RYK: variants seen among roughly 807,000 people sequenced by gnomAD.
RYK encodes inactive tyrosine-protein kinase RYK.
A neutral mutation model predicts 70.2 loss-of-function variants in RYK; 21 were observed. That is an observed-to-expected ratio of 0.30 (90% CI 0.21 to 0.43). The LOEUF is 0.43. Among genes scored for constraint, RYK ranks in the 20% least tolerant of loss-of-function variants. The pLI, the probability that RYK is intolerant of heterozygous loss-of-function variation, is 1.00. For missense variants in RYK, 604 were observed against 753.3 expected, an observed-to-expected ratio of 0.80 and a Z score of 2.32; for synonymous variants, 267 against 278.0, an observed-to-expected ratio of 0.96 and a Z score of 0.39.
intron 2 of RYK, among the ~76,000 whole-genome samples, chr3:134,213,896 T>A (rs985167992): frequency 6.6e-6 from 1 of 152,088 alleles, no homozygotes; most frequent in Non-Finnish European, 1.5e-5. Flanking sequence ...CTCCACCTCC[T>A]GGGTTCAAGC....
intron 13 of RYK, among the ~76,000 whole-genome samples, chr3:134,175,110 T>C (rs1432054429): frequency 2.0e-5 from 3 of 151,938 alleles, no homozygotes; most frequent in Non-Finnish European, 4.4e-5. Context: ...CGGAGGCAGG[T>C]GGATCAACTG....
intron 1 of RYK, among the ~76,000 whole-genome samples, chr3:134,229,200 C>T (rs927761489): frequency 4.6e-5 from 7 of 151,910 alleles, no homozygotes; most frequent in African/African-American, 1.7e-4. Context: ...GAGCGGAGCG[C>T]TCCCTCTCTG....
chr3:134,161,629 C>G (rs1181797686), intron 13 of RYK, among the ~76,000 whole-genome samples: 2 of 152,112 alleles, frequency 1.3e-5, no homozygotes, highest in Non-Finnish European at 2.9e-5. Flanking sequence ...TATGAACAAT[C>G]CAATTTTATG....
chr3:134,244,521 G>A (rs1040058519), intron 1 of RYK, among the ~76,000 whole-genome samples: 1 of 152,106 alleles, frequency 6.6e-6, no homozygotes, highest in African/African-American at 2.4e-5. Context: ...CCCTGAATCA[G>A]GGTCCTCATC....
intron 2 of RYK, among the ~76,000 whole-genome samples, chr3:134,221,196 C>CTTTTTTTTTTTTTTTTTTTT (rs71139519): frequency 2.5e-5 from 2 of 78,562 alleles, no homozygotes; most frequent in African/African-American, 5.6e-5. Flanking sequence ...AGTTCTTTTT[C>CTTTTTTTTTTTTTTTTTTTT]TTTTTTTTTT....
intron 2 of RYK, among the ~76,000 whole-genome samples, chr3:134,220,260 A>T (rs1309908208): frequency 6.6e-6 from 1 of 152,238 alleles, no homozygotes; most frequent in Non-Finnish European, 1.5e-5. Context: ...ATCAACTAGT[A>T]AAAAATTAGC....
intron 1 of RYK, among the ~76,000 whole-genome samples, chr3:134,246,605 AG>A (rs1376194296): frequency 6.6e-6 from 1 of 152,174 alleles, no homozygotes; most frequent in Non-Finnish European, 1.5e-5. Flanking sequence ...CCCTTAAGAC[AG>A]AAAACTGTGA....
chr3:134,222,303 T>C (rs1254383275), intron 2 of RYK, 115 bp downstream of exon 2: 2 of 1,058,708 alleles, frequency 1.9e-6, no homozygotes, highest in Non-Finnish European at 2.9e-6. Context: ...AGTACTATTA[T>C]ATCACATCAC....
At chr3:134,221,416 G>C (rs887688623) in intron 2 of RYK, among the ~76,000 whole-genome samples, 9 of 151,762 alleles carry the variant, frequency 5.9e-5, no homozygotes, top group African/African-American at 1.5e-4. Context: ...TGTTGGCCAA[G>C]ATGGTCTCGA....
intron 13 of RYK, among the ~76,000 whole-genome samples, chr3:134,173,505 C>T (rs535246149): frequency 7.2e-5 from 11 of 152,132 alleles, no homozygotes; most frequent in African/African-American, 2.2e-4. Flanking sequence ...ACAATCATGA[C>T]GAAGGAAAAG....
intron 1 of RYK, among the ~76,000 whole-genome samples, chr3:134,228,455 G>A (rs768280244): frequency 2.0e-5 from 3 of 152,096 alleles, no homozygotes; most frequent in African/African-American, 7.2e-5. Flanking sequence ...TGTCCAACAA[G>A]GAATGAATGC....
intron 7 of RYK, among the ~76,000 whole-genome samples, chr3:134,193,317 G>A (rs1442580423): frequency 6.6e-6 from 1 of 151,960 alleles, no homozygotes; most frequent in Non-Finnish European, 1.5e-5. Flanking sequence ...CCAAGTAGCT[G>A]GGACTACAGG....
chr3:134,215,930 G>A (rs1041611370), intron 2 of RYK, among the ~76,000 whole-genome samples: 62 of 151,748 alleles, frequency 4.1e-4, no homozygotes, highest in African/African-American at 1.4e-3. Flanking sequence ...TCGGCTACTC[G>A]GAGGCTAAGG....
At chr3:134,184,481 C>G (rs1364881336) in intron 9 of RYK, among the ~76,000 whole-genome samples, 1 of 152,106 alleles carries the variant, frequency 6.6e-6, no homozygotes, top group Non-Finnish European at 1.5e-5. Flanking sequence ...GAAAATGCAG[C>G]CAGGTACAGC....
At position 134,159,302 on chromosome 3, in the gene RYK, G is replaced by A. The variant is rs375889971; in HGVS notation, c.1647C>T (p.Phe549=). 8 of 1,613,870 alleles carry A rather than the reference G, an allele frequency of 5.0e-6. No homozygotes were observed. The highest frequency in any genetic ancestry group is 1.1e-5 in the South Asian group (1 of 91,068). The change falls in exon 14 of 15, where the codon TTC becomes TTT. Residue 549 remains phenylalanine, a synonymous_variant. Coordinates refer to ENST00000623711, the MANE Select transcript of RYK (RefSeq NM_002958.4). The part of the protein sequence containing the change: ...GQTPYVDIDP[F]EMAAYLKDGY... ...CATCTTTCAGGTATGCGGCCATCTC[G>A]AAGGGGTCAATGTCCACGTAGGGAG...
At chr3:134,180,648 C>T (rs139905552) in intron 10 of RYK, 94 of 152,276 alleles carry the variant, frequency 6.2e-4, no homozygotes, top group African/African-American at 2.2e-3. Context: ...TAGCTATGAA[C>T]AGTCTATACA....
At chr3:134,195,636 A>G (rs962793147) in intron 6 of RYK, among the ~76,000 whole-genome samples, 2 of 152,220 alleles carry the variant, frequency 1.3e-5, no homozygotes, top group African/African-American at 4.8e-5. Context: ...CAAATGTGCC[A>G]ACATGCTCGG....
At chr3:134,233,023 A>T (rs1452007610) in intron 1 of RYK, among the ~76,000 whole-genome samples, 2 of 152,258 alleles carry the variant, frequency 1.3e-5, no homozygotes, top group African/African-American at 4.8e-5. Context: ...TCCTTTGCAC[A>T]GCAAGCTGCA....
chr3:134,213,308 G>C (rs2014456966), intron 2 of RYK, among the ~76,000 whole-genome samples: 1 of 152,176 alleles, frequency 6.6e-6, no homozygotes. Context: ...TAACTTCTCT[G>C]AGTTTCCATA....
Sources: gnomAD v4.1 joint callset for allele counts (sites outside exome capture counted in the v4.1 genomes callset) on GRCh38, gnomAD v4.1.1 for gene constraint, MANE v1.5 for transcripts, NCBI Gene and HGNC (gene_info 2026-07-23, HGNC 2026-07-21) for gene names.